The following FBXL2 variants were observed in gnomAD, a reference collection of about 807,000 sequenced individuals.
FBXL2 encodes F-box/LRR-repeat protein 2.
A neutral mutation model predicts 69.2 loss-of-function variants in FBXL2; 38 were observed. That is an observed-to-expected ratio of 0.55 (90% CI 0.42 to 0.72). The LOEUF (loss-of-function observed/expected upper bound fraction) is 0.72. Among genes scored for constraint, FBXL2 ranks in the 30% least tolerant of loss-of-function variants. The probability of loss-of-function intolerance (pLI) is 0.00; values close to 1 mark genes in which losing one functional copy is unlikely to be tolerated. For missense variants in FBXL2, 354 were observed against 520.3 expected (o/e 0.68, Z 3.11); for synonymous variants, 192 against 201.3 (o/e 0.95, Z 0.39).
chr3:33,403,020 T>C (rs1315546429), intron 12 of FBXL2: 14 of 919,402 alleles, frequency 1.5e-5, no homozygotes, highest in Non-Finnish European at 2.3e-5. Flanking sequence ...ACAGCTGACA[T>C]TTATCAAGCA....
chr3:33,309,067 T>C (rs1035793711), intron 2 of FBXL2, among the ~76,000 whole-genome samples: 4 of 152,194 alleles, frequency 2.6e-5, no homozygotes, highest in African/African-American at 9.7e-5. Context: ...GGGTGGAATA[T>C]TCAAAATATG....
At chr3:33,307,058 A>G (rs1209613981) in intron 2 of FBXL2, among the ~76,000 whole-genome samples, 1 of 152,150 alleles carries the variant, frequency 6.6e-6, no homozygotes, top group Non-Finnish European at 1.5e-5. Context: ...ATGATGAGAA[A>G]CAAAATATTT....
intron 2 of FBXL2, among the ~76,000 whole-genome samples, chr3:33,305,567 A>G (rs571465858): frequency 4.6e-5 from 7 of 151,994 alleles, no homozygotes; most frequent in Non-Finnish European, 1.0e-4. Context: ...TAAGCCTCAA[A>G]GAATTGAGTT....
At chr3:33,309,127 T>G (rs1478109939) in intron 2 of FBXL2, among the ~76,000 whole-genome samples, 1 of 152,174 alleles carries the variant, frequency 6.6e-6, no homozygotes, top group Non-Finnish European at 1.5e-5. Context: ...AATATTTCCT[T>G]ATTGATTTTC....
chr3:33,364,555 G>C (rs1431663213), intron 4 of FBXL2, 70 bp from the exon 5 acceptor site: 100 of 1,304,420 alleles, frequency 7.7e-5, no homozygotes, highest in Non-Finnish European at 9.1e-5. Context: ...CTAGATTTCA[G>C]GTTATTTTGC....
At chr3:33,346,773 A>G (rs556679537) in intron 2 of FBXL2, among the ~76,000 whole-genome samples, 3 of 152,234 alleles carry the variant, frequency 2.0e-5, no homozygotes, top group African/African-American at 7.2e-5. Context: ...TGCTGGTCAC[A>G]TGGGCATTAG....
intron 12 of FBXL2, among the ~76,000 whole-genome samples, chr3:33,401,608 C>T (rs574490561): frequency 2.4e-4 from 36 of 152,274 alleles, no homozygotes; most frequent in South Asian, 1.5e-3. Context: ...TCTTGAGCAC[C>T]GACTCCTTTC....
chr3:33,297,916 GTACTAAGTATGTA>G, intron 2 of FBXL2, 191 bp downstream of exon 2: 1 of 637,152 alleles, frequency 1.6e-6, no homozygotes, highest in South Asian at 1.6e-5. Flanking sequence ...AATCCAGAAT[GTACTAAGTATGTA>G]CATAGCATTG....
intron 2 of FBXL2, among the ~76,000 whole-genome samples, chr3:33,353,711 C>A (rs561651024): frequency 6.6e-6 from 1 of 152,088 alleles, no homozygotes; most frequent in Non-Finnish European, 1.5e-5. Context: ...CAACATAGAC[C>A]CCATCTCTTC....
rs1188047003 is a variant in FBXL2, at chr3:33,373,249, C to G, written c.360-11C>G. 2.5e-6 allele frequency: 4 copies of G among 1,613,890 alleles called. No homozygotes were observed. In the South Asian group the frequency reaches 4.4e-5, roughly 18 times the overall value. On this transcript the variant is annotated splice_polypyrimidine_tract_variant and intron_variant, in intron 6 of 14. Coordinates refer to ENST00000484457, the MANE Select transcript of FBXL2 (RefSeq NM_012157.5). ...GTTGAAAATATCTTTAGTGCGTCTG[C>G]TCTTTTTCAGCACGTGTTATAGCCT...
intron 12 of FBXL2, chr3:33,393,454 A>G: frequency 6.3e-7 from 1 of 1,591,592 alleles, no homozygotes; most frequent in Non-Finnish European, 8.5e-7. Flanking sequence ...TGCATGATAA[A>G]CTGAAATTAA....
chr3:33,378,397 G>A (rs1011520305), intron 12 of FBXL2, among the ~76,000 whole-genome samples: 7 of 152,152 alleles, frequency 4.6e-5, no homozygotes, highest in African/African-American at 1.7e-4. Context: ...GTCCAGTGAT[G>A]GGGTGACTCC....
intron 1 of FBXL2, among the ~76,000 whole-genome samples, chr3:33,277,899 C>T (rs564176210): frequency 6.6e-6 from 1 of 152,228 alleles, no homozygotes; most frequent in Admixed American, 6.5e-5. Context: ...TTTATATTTA[C>T]ACTAAAGCAG....
chr3:33,322,937 T>C (rs2038362842), intron 2 of FBXL2, among the ~76,000 whole-genome samples: 2 of 152,242 alleles, frequency 1.3e-5, no homozygotes, highest in Non-Finnish European at 2.9e-5. Context: ...ACAGTCTTGC[T>C]GTATCTCCCT....
At chr3:33,328,619 T>C (rs2038896366) in intron 2 of FBXL2, among the ~76,000 whole-genome samples, 1 of 151,882 alleles carries the variant, frequency 6.6e-6, no homozygotes, top group Non-Finnish European at 1.5e-5. Context: ...CTTCAATAAA[T>C]GGTGCTGGGG....
intron 1 of FBXL2, among the ~76,000 whole-genome samples, chr3:33,294,750 G>A (rs1177856784): frequency 2.6e-5 from 4 of 151,882 alleles, no homozygotes; most frequent in East Asian, 3.9e-4. Context: ...AGCTGAGGTG[G>A]GAGGATTGCT....
Position 33,372,982 on chromosome 3 carries a change from C to T in FBXL2, c.291-110C>T, listed in dbSNP as rs1171710641. On this transcript the variant is annotated intron_variant, in intron 5 of 14. Transcript: ENST00000484457. ...ACAAGAACCCTAGCTGATTGTTACG[C>T]GCTTTAATTAAGTTTGAGGGAGCGC... 7 of 886,044 alleles carry T rather than the reference C, an allele frequency of 7.9e-6. No homozygotes were observed. In the East Asian group the frequency reaches 1.4e-4, roughly 18 times the overall value. The allele number at this position is 886,044 out of a possible 1,614,324, so 54.9% of individuals were successfully genotyped here. A position where few individuals can be genotyped will look rare whatever the true frequency, so the allele number is the denominator to read the frequency against.
chr3:33,327,440 C>T (rs2125816033), intron 2 of FBXL2, among the ~76,000 whole-genome samples: 1 of 152,142 alleles, frequency 6.6e-6, no homozygotes, highest in Middle Eastern at 3.4e-3. Flanking sequence ...CCCCAAAAAT[C>T]CCTCATAGGT....
chr3:33,378,008 G>C, intron 11 of FBXL2, 95 bp from the exon 12 acceptor site: 1 of 1,178,286 alleles, frequency 8.5e-7, no homozygotes, highest in Non-Finnish European at 1.3e-6. Flanking sequence ...AAGAGAACAA[G>C]GACACTGGGC....
Sources: gnomAD v4.1 joint callset for allele counts (sites outside exome capture counted in the v4.1 genomes callset) on GRCh38, gnomAD v4.1.1 for gene constraint, MANE v1.5 for transcripts, NCBI Gene and HGNC (gene_info 2026-07-23, HGNC 2026-07-21) for gene names.